FGGY: variants seen among roughly 807,000 people sequenced by gnomAD.
The protein encoded by FGGY is FGGY carbohydrate kinase domain-containing protein.
In FGGY, 72 loss-of-function variants were observed where a neutral mutation model predicts 71.3. The ratio of observed to expected loss-of-function variants is 1.01; its 90% confidence interval spans 0.84 to 1.23. FGGY has a LOEUF of 1.23. Among genes scored for constraint, FGGY ranks in the 50% most tolerant of loss-of-function variants. The pLI, the probability that FGGY is intolerant of heterozygous loss-of-function variation, is 0.00. For synonymous variants in FGGY, 251 were observed against 250.3 expected, an observed-to-expected ratio of 1.00 and a Z score of -0.02; for missense variants, 668 against 682.3, an observed-to-expected ratio of 0.98 and a Z score of 0.23.
At chr1:59,324,470 G>GT (rs2047009400) in intron 2 of FGGY, among the ~76,000 whole-genome samples, 2 of 150,846 alleles carry the variant, frequency 1.3e-5, no homozygotes, top group Admixed American at 1.3e-4. Flanking sequence ...TAGAGACGGG[G>GT]TTTCACCGTT....
intron 8 of FGGY, among the ~76,000 whole-genome samples, chr1:59,605,366 C>T (rs1409496742): frequency 6.6e-6 from 1 of 152,174 alleles, no homozygotes; most frequent in Non-Finnish European, 1.5e-5. Flanking sequence ...CTGGCCAAAC[C>T]TGCGTAATTG....
intron 5 of FGGY, among the ~76,000 whole-genome samples, chr1:59,406,795 CTT>C (rs2062827446): frequency 6.6e-6 from 1 of 152,176 alleles, no homozygotes; most frequent in Admixed American, 6.5e-5. Context: ...CTTTCCATCT[CTT>C]GTTACCTCAA....
intron 2 of FGGY, among the ~76,000 whole-genome samples, chr1:59,328,367 C>T (rs942624901): frequency 3.3e-5 from 5 of 152,218 alleles, no homozygotes; most frequent in South Asian, 2.1e-4. Flanking sequence ...CCTGAACCAA[C>T]TTCTGGTAGC....
At chr1:59,365,135 C>T (rs1246788517) in intron 4 of FGGY, among the ~76,000 whole-genome samples, 1 of 152,094 alleles carries the variant, frequency 6.6e-6, no homozygotes, top group East Asian at 1.9e-4. Flanking sequence ...TCAGATTTGG[C>T]ACGTTATTCA....
chr1:59,562,478 T>C (rs1333327538), intron 8 of FGGY, among the ~76,000 whole-genome samples: 1 of 152,216 alleles, frequency 6.6e-6, no homozygotes, highest in African/African-American at 2.4e-5. Context: ...TCTGAGATGC[T>C]TTGTTTCACC....
chr1:59,493,130 C>CACACACAA (rs3220800), intron 6 of FGGY, among the ~76,000 whole-genome samples: 1,973 of 150,294 alleles, frequency 0.013, 16 homozygotes, highest in Middle Eastern at 0.024. Flanking sequence ...CACACACACA[C>CACACACAA]AAAACAGAAA....
intron 14 of FGGY, among the ~76,000 whole-genome samples, chr1:59,745,972 G>A (rs6694512): frequency 0.16 from 24,230 of 152,174 alleles, 2,276 homozygotes; most frequent in East Asian, 0.21. Flanking sequence ...GGGGGGCTGT[G>A]GGAGTATTGA....
At chr1:59,652,759 A>T (rs1387041234) in intron 11 of FGGY, among the ~76,000 whole-genome samples, 1 of 151,930 alleles carries the variant, frequency 6.6e-6, no homozygotes, top group Non-Finnish European at 1.5e-5. Context: ...AGCTCGTCAA[A>T]GTCATTCTCC....
At chr1:59,740,828 CA>C (rs1382154287) in intron 14 of FGGY, among the ~76,000 whole-genome samples, 1 of 152,180 alleles carries the variant, frequency 6.6e-6, no homozygotes, top group Non-Finnish European at 1.5e-5. Context: ...TGCTATCCAA[CA>C]GTAGCCATTA....
intron 6 of FGGY, among the ~76,000 whole-genome samples, chr1:59,502,981 G>A (rs637873): frequency 0.015 from 2,260 of 152,234 alleles, 66 homozygotes; most frequent in African/African-American, 0.052. Flanking sequence ...TGCAAATGAG[G>A]TGGTCTTCCT....
chr1:59,646,939 A>G (rs11207494), intron 11 of FGGY, among the ~76,000 whole-genome samples: 2,237 of 152,216 alleles, frequency 0.015, 53 homozygotes, highest in African/African-American at 0.05. Context: ...TTTCTTTTTC[A>G]TTTTAATGAC....
rs866043453 is a variant in FGGY at position 59,466,232 on chromosome 1, C to T, written c.670+9156C>T. Among the ~76,000 whole-genome samples the T allele has an allele frequency of 2.6e-4, 39 of 152,194 alleles. No individual in the cohort carries two copies. The Middle Eastern group carries it at 0.017, about 66-fold the overall frequency. On this transcript the variant is annotated intron_variant, in intron 6 of 15. Transcript: ENST00000303721. ...TACAACCATCTGATCTTTGACAAAC[C>T]TGACAAAAACAAGAAATGGGGAAAG...
chr1:59,401,097 C>T lies in FGGY; in HGVS notation c.554+22260C>T, dbSNP rs185353681. On this transcript the variant is annotated intron_variant, in intron 5 of 15. Coordinates refer to ENST00000303721, the MANE Select transcript of FGGY (RefSeq NM_018291.5). Reference sequence around the variant, plus strand: ...GTCTCAAAAAATATACAATGTTCTTCGTCAAGTAGCTAATACTCTCTTTCT... The same window carrying T: ...GTCTCAAAAAATATACAATGTTCTTTGTCAAGTAGCTAATACTCTCTTTCT... Among the ~76,000 whole-genome samples, 26 of 152,194 alleles carry T rather than the reference C, an allele frequency of 1.7e-4. No homozygotes were observed. In the East Asian group the frequency reaches 2.9e-3, roughly 17 times the overall value.
chr1:59,463,424 C>T (rs971693672), intron 6 of FGGY, among the ~76,000 whole-genome samples: 6 of 152,168 alleles, frequency 3.9e-5, no homozygotes, highest in Non-Finnish European at 8.8e-5. Context: ...ATTGTAAAGA[C>T]CATCGATGCT....
At chr1:59,459,942 A>G (rs1198014164) in intron 6 of FGGY, among the ~76,000 whole-genome samples, 1 of 152,212 alleles carries the variant, frequency 6.6e-6, no homozygotes, top group Non-Finnish European at 1.5e-5. Flanking sequence ...ATTAGCTTAT[A>G]GATCATTCCT....
chr1:59,699,031 A>C lies in FGGY; in HGVS notation c.1512+24898A>C, dbSNP rs920760296. 3.0e-6 allele frequency: 3 copies of C among 985,424 alleles called. No homozygotes were observed. In the South Asian group the frequency reaches 1.4e-4, roughly 46 times the overall value. The allele number at this position is 985,424 out of a possible 1,614,324, so 61.0% of individuals were successfully genotyped here. Reference sequence around the variant, plus strand: ...AGATTATAGCTTTTGGTTGAATATCAAACTAACATAGCTACATTTTTCCTT... The same window carrying C: ...AGATTATAGCTTTTGGTTGAATATCCAACTAACATAGCTACATTTTTCCTT... On this transcript the variant is annotated intron_variant, in intron 14 of 15. Coordinates refer to ENST00000303721, the MANE Select transcript of FGGY (RefSeq NM_018291.5).
intron 7 of FGGY, among the ~76,000 whole-genome samples, chr1:59,546,242 C>T (rs987187731): frequency 3.3e-5 from 5 of 152,134 alleles, no homozygotes; most frequent in Non-Finnish European, 7.4e-5. Flanking sequence ...GATCAGGAGA[C>T]TGAGACATAG....
At chr1:59,451,028 T>A (rs1224367445) in intron 5 of FGGY, among the ~76,000 whole-genome samples, 1 of 152,110 alleles carries the variant, frequency 6.6e-6, no homozygotes, top group Admixed American at 6.5e-5. Flanking sequence ...AATACTGAGA[T>A]AATTGACCTT....
chr1:59,472,336 G>C (rs902671031), intron 6 of FGGY, among the ~76,000 whole-genome samples: 1 of 152,220 alleles, frequency 6.6e-6, no homozygotes, highest in African/African-American at 2.4e-5. Flanking sequence ...GCAGGGCTCG[G>C]AACCTGCAGC....
Sources: gnomAD v4.1 joint callset for allele counts (sites outside exome capture counted in the v4.1 genomes callset) on GRCh38, gnomAD v4.1.1 for gene constraint, MANE v1.5 for transcripts, NCBI Gene and HGNC (gene_info 2026-07-23, HGNC 2026-07-21) for gene names.